FAM228B: variants seen among roughly 807,000 people sequenced by gnomAD.
FAM228B encodes the protein protein FAM228B.
A neutral mutation model predicts 42.6 loss-of-function variants in FAM228B; 38 were observed. That is an observed-to-expected ratio of 0.89 (90% CI 0.69 to 1.17). FAM228B has a LOEUF of 1.17. FAM228B is among the 50% of genes most tolerant of loss of function. The pLI is 0.00. For synonymous variants in FAM228B, 109 were observed against 122.3 expected (o/e 0.89, Z 0.72); for missense variants, 344 against 367.3 (o/e 0.94, Z 0.52).
intron 2 of FAM228B, among the ~76,000 whole-genome samples, chr2:24,090,871 G>C (rs1276113859): frequency 6.6e-6 from 1 of 152,102 alleles, no homozygotes; most frequent in Non-Finnish European, 1.5e-5. Context: ...GCTCACTGCA[G>C]CCTTGATATG....
At chr2:24,102,487 C>T (rs929556234) in intron 3 of FAM228B, among the ~76,000 whole-genome samples, 1 of 152,124 alleles carries the variant, frequency 6.6e-6, no homozygotes, top group African/African-American at 2.4e-5. Flanking sequence ...CCTGTAATTC[C>T]AGCACTTTGG....
At chr2:24,108,345 G>A (rs1162008798) in intron 3 of FAM228B, among the ~76,000 whole-genome samples, 1 of 152,030 alleles carries the variant, frequency 6.6e-6, no homozygotes, top group African/African-American at 2.4e-5. Flanking sequence ...GGGATTCTCA[G>A]CCAAATTCTA....
At chr2:24,139,673 C>T (rs752323785) in intron 5 of FAM228B, among the ~76,000 whole-genome samples, 3 of 151,936 alleles carry the variant, frequency 2.0e-5, no homozygotes, top group Non-Finnish European at 2.9e-5. Flanking sequence ...TAATAGGTAA[C>T]GTTTAAAAAT....
At chr2:24,161,470 C>CA (rs781353607) in intron 7 of FAM228B, 36 bp from the exon 8 acceptor site, 1 of 1,268,016 alleles carries the variant, frequency 7.9e-7, no homozygotes, top group Non-Finnish European at 1.1e-6. Flanking sequence ...TAAAAAAGAA[C>CA]AAAAAAACCT....
chr2:24,112,334 CTT>C (rs1191164711), intron 3 of FAM228B, among the ~76,000 whole-genome samples: 2 of 126,042 alleles, frequency 1.6e-5, no homozygotes, highest in African/African-American at 3.0e-5. Flanking sequence ...GAGTTTCGCT[CTT>C]GTCGCCCAGG....
intron 3 of FAM228B, among the ~76,000 whole-genome samples, chr2:24,114,274 G>A (rs1000648579): frequency 1.3e-5 from 2 of 152,114 alleles, no homozygotes; most frequent in African/African-American, 2.4e-5. Context: ...GAACATGAAA[G>A]GGCTCCCGTT....
intron 3 of FAM228B, among the ~76,000 whole-genome samples, chr2:24,137,413 T>G (rs117052843): frequency 6.6e-6 from 1 of 152,352 alleles, no homozygotes; most frequent in East Asian, 1.9e-4. Context: ...TTCAGTTATT[T>G]TATTTATAGT....
chr2:24,134,653 T>G (rs182483825), intron 2 of FAM228B, among the ~76,000 whole-genome samples: 7 of 152,298 alleles, frequency 4.6e-5, no homozygotes, highest in African/African-American at 1.7e-4. Flanking sequence ...AAATACTGTT[T>G]AAAAAGCACT....
chr2:24,119,505 A>G, upstream of FAM228B: 1 of 1,103,050 alleles, frequency 9.1e-7, no homozygotes, highest in Non-Finnish European at 1.3e-6. Context: ...TTTGAGTTGG[A>G]TCTCTGTTAC....
At chr2:24,109,064 A>G (rs762543163) in intron 3 of FAM228B, among the ~76,000 whole-genome samples, 1 of 152,026 alleles carries the variant, frequency 6.6e-6, no homozygotes, top group African/African-American at 2.4e-5. Flanking sequence ...TACTGGTACA[A>G]AAACAGACAT....
chr2:24,158,152 T>C (rs1667196830), intron 7 of FAM228B, among the ~76,000 whole-genome samples: 1 of 144,784 alleles, frequency 6.9e-6, no homozygotes, highest in Non-Finnish European at 1.5e-5. Context: ...ACTACCTGAA[T>C]CAACCGTATT....
chr2:24,116,885 AAAAG>A (rs1360305064), intron 3 of FAM228B, among the ~76,000 whole-genome samples: 1 of 148,520 alleles, frequency 6.7e-6, no homozygotes, highest in Non-Finnish European at 1.5e-5. Context: ...TCAAAAAAAA[AAAAG>A]AAAAAGAAAA....
chr2:24,093,081 A>G (rs1246881463), intron 2 of FAM228B, among the ~76,000 whole-genome samples: 1 of 152,064 alleles, frequency 6.6e-6, no homozygotes, highest in Non-Finnish European at 1.5e-5. Context: ...TTTTATTCTG[A>G]AATAGGCAAA....
chr2:24,118,426 C>T (rs947154087), intron 3 of FAM228B, among the ~76,000 whole-genome samples: 3 of 152,182 alleles, frequency 2.0e-5, no homozygotes, highest in Non-Finnish European at 2.9e-5. Flanking sequence ...TCTGCTAGGC[C>T]GAAGTAATTC....
intron 3 of FAM228B, among the ~76,000 whole-genome samples, chr2:24,097,740 C>T (rs192833506): frequency 1.0e-3 from 156 of 152,308 alleles, no homozygotes; most frequent in African/African-American, 3.5e-3. Flanking sequence ...AGAAGGTTAA[C>T]AAGGATATCC....
intron 3 of FAM228B, among the ~76,000 whole-genome samples, chr2:24,136,295 C>T (rs568949280): frequency 2.0e-4 from 30 of 151,974 alleles, no homozygotes; most frequent in African/African-American, 6.5e-4. Context: ...GGTATGATCT[C>T]GGCTCACTGC....
chr2:24,156,994 C>G (rs112533791), intron 7 of FAM228B, among the ~76,000 whole-genome samples: 1 of 152,172 alleles, frequency 6.6e-6, no homozygotes, highest in East Asian at 1.9e-4. Context: ...AGCACTTCTG[C>G]TGTACCCCAG....
chr2:24,125,538 C>G (rs1666288569), intron 2 of FAM228B, among the ~76,000 whole-genome samples: 1 of 150,174 alleles, frequency 6.7e-6, no homozygotes, highest in Non-Finnish European at 1.5e-5. Flanking sequence ...TTCTTTCTTT[C>G]TCTTTCTTTC....
chr2:24,123,400 C>G (rs1666190682), upstream of FAM228B: 1 of 152,224 alleles, frequency 6.6e-6, no homozygotes, highest in Non-Finnish European at 1.5e-5. Context: ...CAAGACCCGC[C>G]ACCTAGAGCC....
Sources: allele counts gnomAD v4.1 joint callset (sites outside exome capture counted in the v4.1 genomes callset), GRCh38; gene constraint gnomAD v4.1.1; transcripts MANE v1.5; gene names NCBI Gene and HGNC (gene_info 2026-07-23, HGNC 2026-07-21).